MARCHF1: variants seen among roughly 807,000 people sequenced by gnomAD.
The protein encoded by MARCHF1 is membrane associated ring-CH-type finger 1.
In MARCHF1, 40 loss-of-function variants were observed where a neutral mutation model predicts 54.2. The ratio of observed to expected loss-of-function variants is 0.74; its 90% CI spans 0.57 to 0.96. MARCHF1 has a LOEUF of 0.96. Among genes scored for constraint, MARCHF1 ranks in the 40% least tolerant of loss-of-function variants. The pLI is 0.00. For missense variants in MARCHF1, 586 were observed against 656.5 expected (o/e 0.89, Z 1.17); for synonymous variants, 236 against 236.3 (o/e 1.00, Z 0.01).
At chr4:163,918,950 T>C (rs13108942) in intron 3 of MARCHF1, among the ~76,000 whole-genome samples, 82,252 of 151,922 alleles carry the variant, frequency 0.54, 23,325 homozygotes, top group Middle Eastern at 0.67. Context: ...CCTGAATATA[T>C]GTGAAACTAA....
chr4:164,329,737 G>A (rs2110797590), intron 1 of MARCHF1, among the ~76,000 whole-genome samples: 1 of 152,282 alleles, frequency 6.6e-6, no homozygotes, highest in East Asian at 1.9e-4. Flanking sequence ...AAGACAGGGA[G>A]AGAGTGGACA....
chr4:163,699,963 G>T (rs1338896008), intron 5 of MARCHF1, among the ~76,000 whole-genome samples: 26 of 143,930 alleles, frequency 1.8e-4, no homozygotes, highest in Non-Finnish European at 2.6e-4. Context: ...GGAATATTTT[G>T]TTTTTTTTTT....
At chr4:164,155,797 C>T (rs1439622985) in intron 1 of MARCHF1, among the ~76,000 whole-genome samples, 1 of 152,016 alleles carries the variant, frequency 6.6e-6, no homozygotes, top group African/African-American at 2.4e-5. Flanking sequence ...TGAACTTGTA[C>T]CCCTTAAATT....
intron 7 of MARCHF1, among the ~76,000 whole-genome samples, chr4:163,593,069 G>A (rs1579093025): frequency 6.6e-6 from 1 of 152,208 alleles, no homozygotes; most frequent in Non-Finnish European, 1.5e-5. Context: ...TTAGCTCAGA[G>A]GACCATGTAT....
rs143856586 is a variant in MARCHF1, at chr4:163,593,484, T to G, written c.1011-7555A>C. On this transcript the variant is annotated intron_variant, in intron 7 of 9. Coordinates refer to ENST00000514618, the MANE Select transcript of MARCHF1 (RefSeq NM_001394959.1). Reference sequence around the variant, plus strand: ...GCTTTTGTATATACATAATAACAGCTATCAGAAAAATTATGCAGTTATAAC... The same window carrying G: ...GCTTTTGTATATACATAATAACAGCGATCAGAAAAATTATGCAGTTATAAC... Among the ~76,000 whole-genome samples the G allele has an allele frequency of 5.4e-3, 819 of 152,316 alleles. 7 individuals carry two copies. Among genetic ancestry groups the G allele is most frequent in the African/African-American group, 0.019 (795 of 41,584 alleles).
chr4:164,017,836 C>CAAAAAAAAAAAAAAAAAAA (rs35073711), intron 2 of MARCHF1, among the ~76,000 whole-genome samples: 1 of 138,102 alleles, frequency 7.2e-6, no homozygotes, highest in Non-Finnish European at 1.5e-5. Flanking sequence ...CCTAAATTAG[C>CAAAAAAAAAAAAAAAAAAA]AAAAAAAAAA....
rs1258433158 is a variant in MARCHF1, at chr4:164,099,952, A to C, written c.-248+11636T>G. ...CTTGTAATCAGCAAAGAAAACAGCCACAGCTCATGAGAAGGAATAAATAAA... is the reference window on the plus strand; with the variant it reads ...CTTGTAATCAGCAAAGAAAACAGCCCCAGCTCATGAGAAGGAATAAATAAA... On this transcript the variant is annotated intron_variant, in intron 2 of 9. Transcript: ENST00000514618. Among the ~76,000 whole-genome samples the C allele has an allele frequency of 2.6e-5, 4 of 152,226 alleles. No homozygotes were observed. The East Asian group carries it at 7.7e-4, about 29-fold the overall frequency.
At chr4:163,832,951 T>C (rs990902940) in intron 4 of MARCHF1, among the ~76,000 whole-genome samples, 1 of 152,110 alleles carries the variant, frequency 6.6e-6, no homozygotes, top group African/African-American at 2.4e-5. Context: ...TAGTATTCCA[T>C]GGTGTATATG....
chr4:164,157,456 T>C (rs1036895153), intron 1 of MARCHF1, among the ~76,000 whole-genome samples: 10 of 152,336 alleles, frequency 6.6e-5, no homozygotes, highest in Non-Finnish European at 1.3e-4. Context: ...TCTTGTTTAT[T>C]ACTTTGCATA....
At chr4:164,043,447 G>A (rs970325994) in intron 2 of MARCHF1, among the ~76,000 whole-genome samples, 12 of 152,148 alleles carry the variant, frequency 7.9e-5, no homozygotes, top group African/African-American at 2.9e-4. Context: ...CACAGCTGGA[G>A]CTGGAGCAGC....
chr4:163,953,894 G>A (rs147029319), intron 3 of MARCHF1, among the ~76,000 whole-genome samples: 18 of 152,244 alleles, frequency 1.2e-4, no homozygotes, highest in South Asian at 8.3e-4. Flanking sequence ...GGGTGAATGA[G>A]ACACAGAACC....
intron 4 of MARCHF1, among the ~76,000 whole-genome samples, chr4:163,811,818 C>T: frequency 6.6e-6 from 1 of 152,100 alleles, no homozygotes. Context: ...CTTAATAGAG[C>T]TCAGTGTGAC....
rs1053412713 is a variant in MARCHF1, at chr4:164,116,996, G to A, written c.-322-5334C>T. 2.6e-5 allele frequency among the ~76,000 whole-genome samples: 4 copies of A among 152,034 alleles called. 1 individual carries two copies. Among genetic ancestry groups the A allele is most frequent in the South Asian group, 2.1e-4 (1 of 4,828 alleles). On this transcript the variant is annotated intron_variant, in intron 1 of 9. Transcript: ENST00000514618. ...GAATAGGCTGGGCGTGCTGACTCAC[G>A]CCTGTAATGCCAGCACTTTGGGAGG...
chr4:164,358,129 T>C (rs1730616123), intron 1 of MARCHF1, among the ~76,000 whole-genome samples: 1 of 152,200 alleles, frequency 6.6e-6, no homozygotes, highest in Non-Finnish European at 1.5e-5. Flanking sequence ...GTCCACATTA[T>C]GCAACTAGAG....
chr4:163,802,234 G>A (rs539736543), intron 4 of MARCHF1, among the ~76,000 whole-genome samples: 36 of 152,078 alleles, frequency 2.4e-4, no homozygotes, highest in Non-Finnish European at 3.5e-4. Flanking sequence ...GAGTCTATCC[G>A]GTATCAAAGC....
Position 164,339,875 on chromosome 4 carries a change from G to C in MARCHF1, c.-323+43995C>G, listed in dbSNP as rs1186068431. On this transcript the variant is annotated intron_variant, in intron 1 of 9. Transcript: ENST00000514618. ...ATAAAGGATAAAATCAGAACTCAAA[G>C]ATGTAACATTACAACTGGTACCACA... 4.6e-5 allele frequency among the ~76,000 whole-genome samples: 7 copies of C among 152,052 alleles called. No individual in the cohort carries two copies. In the East Asian group the frequency reaches 1.2e-3, roughly 25 times the overall value.
chr4:164,233,373 T>C (rs1204320094), intron 1 of MARCHF1, among the ~76,000 whole-genome samples: 3 of 152,198 alleles, frequency 2.0e-5, no homozygotes, highest in Non-Finnish European at 4.4e-5. Context: ...GCCCTGCCAT[T>C]TTTCTCAATG....
Position 163,777,816 on chromosome 4 carries a change from T to G in MARCHF1, c.111+76205A>C, listed in dbSNP as rs574909165. ...AAATTGAGCAATTTGGAACATACAA[T>G]TTGATGAGTTTTGACAAATGTATAC... On this transcript the variant is annotated intron_variant, in intron 4 of 9. Coordinates refer to ENST00000514618, the MANE Select transcript of MARCHF1 (RefSeq NM_001394959.1). Among the ~76,000 whole-genome samples the G allele has an allele frequency of 4.6e-5, 7 of 152,290 alleles. No individual in the cohort carries two copies. The East Asian group carries it at 1.3e-3, about 29-fold the overall frequency.
At chr4:163,617,539 C>T (rs1247736991) in intron 5 of MARCHF1, among the ~76,000 whole-genome samples, 5 of 151,454 alleles carry the variant, frequency 3.3e-5, no homozygotes, top group Non-Finnish European at 7.4e-5. Context: ...ATTTTTAAAA[C>T]CTCACTTCAT....
Sources: gnomAD v4.1 joint callset for allele counts (sites outside exome capture counted in the v4.1 genomes callset) on GRCh38, gnomAD v4.1.1 for gene constraint, MANE v1.5 for transcripts, NCBI Gene and HGNC (gene_info 2026-07-23, HGNC 2026-07-21) for gene names.